The following ELFN1 variants were observed in gnomAD, a reference collection of about 807,000 sequenced individuals.
ELFN1 encodes protein ELFN1.
A neutral mutation model predicts 7.6 loss-of-function variants in ELFN1; 6 were observed. That is an observed-to-expected ratio of 0.79 (90% CI 0.43 to 1.56). The LOEUF (loss-of-function observed/expected upper bound fraction) is 1.56. ELFN1 is among the 40% of genes most tolerant of loss of function. The probability of loss-of-function intolerance (pLI) is 0.01; values close to 1 mark genes in which losing one functional copy is unlikely to be tolerated. For synonymous variants in ELFN1, 657 were observed against 588.1 expected, an observed-to-expected ratio of 1.12 and a Z score of -1.70; for missense variants, 1,169 against 1,232.2, an observed-to-expected ratio of 0.95 and a Z score of 0.77.
At chr7:1,726,048 TCA>T (rs896532072) in intron 3 of ELFN1, among the ~76,000 whole-genome samples, 4 of 151,366 alleles carry the variant, frequency 2.6e-5, no homozygotes, top group African/African-American at 7.3e-5. Context: ...AAAATCACAC[TCA>T]CACACAATAC....
rs1194355783 is a variant in ELFN1 at position 1,746,521 on chromosome 7, C to A, written c.1925C>A (p.Ser642Tyr). 6.9e-7 allele frequency: 1 copy of A among 1,457,676 alleles called. No individual in the cohort carries two copies. Among genetic ancestry groups the A allele is most frequent in the Non-Finnish European group, 9.0e-7 (1 of 1,115,102 alleles). 90.3% of individuals were successfully genotyped at this position (1,457,676 alleles called of 1,614,324 possible). ...GGGCCCCCTCGTGCCAGCACCTCGT[C>A]CAGCGGCTCCGTGCGCAGCCCCCGC... ...AAGPPRASTS[S>Y]SGSVRSPRAF... Residue 642 changes from serine (S) to tyrosine (Y), a missense_variant, in exon 4 of 4, where the codon TCC becomes TAC. Physicochemically the swap from Ser to Tyr is moderately radical, Grantham distance 144. Around this residue, in one of 2 missense-constraint regions of ELFN1, gnomAD observed 914 missense variants for 872.6 expected, o/e 1.05. Coordinates refer to ENST00000424383, the MANE Select transcript of ELFN1 (RefSeq NM_001128636.4).
intron 2 of ELFN1, among the ~76,000 whole-genome samples, chr7:1,699,382 A>C (rs904228703): frequency 1.3e-5 from 2 of 152,190 alleles, no homozygotes; most frequent in African/African-American, 4.8e-5. Flanking sequence ...TCACACCTGT[A>C]ATCCCAGCAC....
upstream of ELFN1, among the ~76,000 whole-genome samples, chr7:1,667,806 T>C (rs952266200): frequency 1.7e-4 from 26 of 151,972 alleles, no homozygotes; most frequent in African/African-American, 6.0e-4. The surrounding 1 kb of genome is among the most constrained non-coding windows in gnomAD (Gnocchi z 8.2). Context: ...GCAGGGGGCG[T>C]GGAGCGCGGC....
At chr7:1,714,043 G>T (rs1318029412) in intron 3 of ELFN1, among the ~76,000 whole-genome samples, 1 of 152,180 alleles carries the variant, frequency 6.6e-6, no homozygotes, top group Non-Finnish European at 1.5e-5. Context: ...CCGAGTCCCC[G>T]CATTTGAAGT....
chr7:1,747,218 G>C lies in ELFN1; in HGVS notation c.*135G>C. ...GGGGCCCTGCAGAGGCGAGGGGGGA[G>C]CGAGTGGGGACAGACAAGGGGGACA... On this transcript the variant is annotated 3_prime_UTR_variant, in exon 4 of 4. Transcript: ENST00000424383. 9.4e-7 allele frequency: 1 copy of C among 1,059,762 alleles called. No individual in the cohort carries two copies. The highest frequency in any genetic ancestry group is 1.3e-6 in the Non-Finnish European group (1 of 771,722). 65.6% of individuals were successfully genotyped at this position (1,059,762 alleles called of 1,614,324 possible).
Position 1,670,672 on chromosome 7 carries a change from C to T in ELFN1, c.-549+318C>T, listed in dbSNP as rs1042159724. 6.6e-6 allele frequency among the ~76,000 whole-genome samples: 1 copy of T among 152,222 alleles called. No individual in the cohort carries two copies. Among genetic ancestry groups the T allele is most frequent in the Non-Finnish European group, 1.5e-5 (1 of 68,024 alleles). Reference sequence around the variant, plus strand: ...GGTCCCTTCCCCAGCGCCTCTCTCCCTTCCGTCCCCCTTCGCCGTCCGCAC... The same window carrying T: ...GGTCCCTTCCCCAGCGCCTCTCTCCTTTCCGTCCCCCTTCGCCGTCCGCAC... On this transcript the variant is annotated intron_variant, in intron 1 of 3. Transcript: ENST00000424383. This position sits in a 1 kb window ranked among gnomAD's most constrained non-coding sequence, Gnocchi z 6.4.
chr7:1,685,827 C>G (rs944590667), intron 1 of ELFN1, among the ~76,000 whole-genome samples: 1 of 147,416 alleles, frequency 6.8e-6, no homozygotes, highest in Admixed American at 6.8e-5. Flanking sequence ...AATATATAAA[C>G]CATCTTTATG....
At chr7:1,681,342 C>T (rs567565766) in intron 1 of ELFN1, among the ~76,000 whole-genome samples, 3 of 152,132 alleles carry the variant, frequency 2.0e-5, no homozygotes, top group Non-Finnish European at 4.4e-5. Flanking sequence ...AAGGAGAGTT[C>T]ATCTGGTCAG....
Position 1,670,929 on chromosome 7 carries a change from CG to C in ELFN1, c.-549+582del, listed in dbSNP as rs1170331305. The stretch of plus-strand genomic sequence containing the variant: ...CCCAGCCCCTGAGTCCAACCACTGG[CG>C]GGGGGGTGGGGTGGGGGGCTTCGCT... On this transcript the variant is annotated intron_variant, in intron 1 of 3. Transcript: ENST00000424383. This position sits in a 1 kb window ranked among gnomAD's most constrained non-coding sequence, Gnocchi z 6.4. 2.1e-5 allele frequency among the ~76,000 whole-genome samples: 3 copies of C among 141,222 alleles called. No individual in the cohort carries two copies. The highest frequency in any genetic ancestry group is 7.6e-5 in the African/African-American group (3 of 39,564). The allele number at this position is 141,222 out of a possible 152,430, so 92.6% of individuals were successfully genotyped here. A position where few individuals can be genotyped will look rare whatever the true frequency, so the allele number is the denominator to read the frequency against.
chr7:1,672,122 G>A (rs1778779466), intron 1 of ELFN1, among the ~76,000 whole-genome samples: 1 of 152,176 alleles, frequency 6.6e-6, no homozygotes, highest in Non-Finnish European at 1.5e-5. Context: ...TCGGCAGGCA[G>A]CTCCCGACTC....
chr7:1,685,801 T>C (rs1441280690), intron 1 of ELFN1, among the ~76,000 whole-genome samples: 1 of 148,532 alleles, frequency 6.7e-6, no homozygotes, highest in African/African-American at 2.4e-5. Context: ...ATATAATATA[T>C]AAACTGTTGA....
intron 3 of ELFN1, among the ~76,000 whole-genome samples, chr7:1,723,278 G>A (rs1168114710): frequency 3.3e-5 from 5 of 152,248 alleles, no homozygotes; most frequent in Non-Finnish European, 7.3e-5. Context: ...GTGGTGTTCA[G>A]TGGATTTGCG....
rs376495187 is a variant in ELFN1, at chr7:1,722,824, A to C, written c.-294+13572A>C. Among the ~76,000 whole-genome samples the C allele has an allele frequency of 2.6e-5, 4 of 152,326 alleles. No homozygotes were observed. In the South Asian group the frequency reaches 8.3e-4, roughly 32 times the overall value. On this transcript the variant is annotated intron_variant, in intron 3 of 3. Transcript: ENST00000424383. Reference sequence around the variant, plus strand: ...TAAGGAGTAATACAATGAATACCTAAATACCCACCCCTTCCCAGCTTAGTC... The same window carrying C: ...TAAGGAGTAATACAATGAATACCTACATACCCACCCCTTCCCAGCTTAGTC...
rs1269033000 is a variant in ELFN1 at position 1,740,869 on chromosome 7, C to G, written c.-293-3435C>G. The stretch of plus-strand genomic sequence containing the variant: ...CCTTGGCTGGGCATGGTGGCTCACG[C>G]CTGTAATCCCAGCACTTTGGGAGGC... On this transcript the variant is annotated intron_variant, in intron 3 of 3. Coordinates refer to ENST00000424383, the MANE Select transcript of ELFN1 (RefSeq NM_001128636.4). This position sits in a 1 kb window ranked among gnomAD's most constrained non-coding sequence, Gnocchi z 5.0. Among the ~76,000 whole-genome samples the G allele has an allele frequency of 6.6e-6, 1 of 152,182 alleles. No individual in the cohort carries two copies. The highest frequency in any genetic ancestry group is 1.5e-5 in the Non-Finnish European group (1 of 68,032).
At chr7:1,681,886 A>G (rs1375414717) in intron 1 of ELFN1, among the ~76,000 whole-genome samples, 1 of 152,232 alleles carries the variant, frequency 6.6e-6, no homozygotes, top group African/African-American at 2.4e-5. Context: ...TTAGGCATTC[A>G]TATTTCTTCT....
chr7:1,734,449 G>A (rs954974786), intron 3 of ELFN1, among the ~76,000 whole-genome samples: 2 of 152,226 alleles, frequency 1.3e-5, no homozygotes, highest in East Asian at 1.9e-4. Flanking sequence ...AGAGCAGCCC[G>A]GGGCTGCGAG....
At chr7:1,726,948 C>A (rs964569398) in intron 3 of ELFN1, among the ~76,000 whole-genome samples, 2 of 152,174 alleles carry the variant, frequency 1.3e-5, no homozygotes, top group Non-Finnish European at 2.9e-5. Context: ...GTTTTACAGG[C>A]ACAAAGATTG....
At position 1,745,617 on chromosome 7, in the gene ELFN1, C is replaced by T. The variant is rs770859676; in HGVS notation, c.1021C>T (p.Arg341Trp). The T allele has an allele frequency of 3.9e-6, 6 of 1,551,092 alleles. No homozygotes were observed. Among genetic ancestry groups the T allele is most frequent in the Admixed American group, 2.0e-5 (1 of 51,006 alleles). Residue 341 changes from arginine to tryptophan, a missense_variant, in exon 4 of 4, where the codon CGG becomes TGG. By Grantham distance (101) the Arg-to-Trp change is moderately radical. Coordinates refer to ENST00000424383, the MANE Select transcript of ELFN1 (RefSeq NM_001128636.4). Reference protein sequence around the residue: ...ITVQLPSPFHRMYTLEHFNNS... With the variant: ...ITVQLPSPFHWMYTLEHFNNS... ...CGTCCAGCTGCCCAGCCCGTTCCAC[C>T]GGATGTACACCCTGGAGCATTTCAA...
intron 2 of ELFN1, among the ~76,000 whole-genome samples, chr7:1,700,820 A>C (rs993685917): frequency 6.6e-6 from 1 of 152,198 alleles, no homozygotes; most frequent in African/African-American, 2.4e-5. Context: ...GTGTCCTGGT[A>C]TCTTACCAAG....
Sources: gnomAD v4.1 joint callset for allele counts (sites outside exome capture counted in the v4.1 genomes callset) on GRCh38, gnomAD v4.1.1 for gene constraint, gnomAD v4.1.1 regional missense constraint, Gnocchi (gnomAD v3.1) non-coding constraint, MANE v1.5 for transcripts, NCBI Gene and HGNC (gene_info 2026-07-23, HGNC 2026-07-21) for gene names.